The following RIN2 variants were observed in gnomAD, a reference collection of about 807,000 sequenced individuals.
RIN2 encodes the protein Ras and Rab interactor 2.
RIN2 carries 36 observed loss-of-function variants against 78.0 expected under a neutral mutation model. That is an observed-to-expected ratio of 0.46 (90% confidence interval 0.35 to 0.61). RIN2 has a LOEUF of 0.61. Ranked by LOEUF, RIN2 falls within the 20% of genes least tolerant of loss-of-function variation. The pLI is 0.00. For synonymous variants in RIN2, 466 were observed against 466.8 expected, an observed-to-expected ratio of 1.00 and a Z score of 0.02; for missense variants, 1,087 against 1,159.7, an observed-to-expected ratio of 0.94 and a Z score of 0.91.
Position 19,954,186 on chromosome 20 carries a change from AG to A in RIN2, c.159-2428del, listed in dbSNP as rs563820269. ...ATTCAGTCCCACCTCTTAGGAGTAG[AG>A]TTGTCCATGTGGAAATATCACACTT... On this transcript the variant is annotated intron_variant, in intron 4 of 12. Coordinates refer to ENST00000255006, the MANE Select transcript of RIN2 (RefSeq NM_018993.4). Among the ~76,000 whole-genome samples, 282 of 152,332 alleles carry A rather than the reference AG, an allele frequency of 1.9e-3. 2 individuals are homozygous for A. Among genetic ancestry groups the A allele is most frequent in the African/African-American group, 6.5e-3 (269 of 41,574 alleles).
chr20:19,819,205 TGAG>T, intron 2 of RIN2, among the ~76,000 whole-genome samples: 1 of 152,360 alleles, frequency 6.6e-6, no homozygotes, highest in East Asian at 1.9e-4. Context: ...TTCTGAAGGC[TGAG>T]AAGTCCAAGG....
chr20:19,916,037 C>T (rs1217209274), intron 3 of RIN2, among the ~76,000 whole-genome samples: 5 of 152,072 alleles, frequency 3.3e-5, no homozygotes, highest in South Asian at 2.1e-4. Flanking sequence ...GTCAAGAGAC[C>T]GAGACCATCC....
intron 2 of RIN2, among the ~76,000 whole-genome samples, chr20:19,864,142 A>G (rs76871987): frequency 6.6e-6 from 1 of 152,096 alleles, no homozygotes; most frequent in Non-Finnish European, 1.5e-5. Context: ...AAGGGTCTGA[A>G]AAGGCTGGGA....
At chr20:19,862,930 G>T (rs956912620) in intron 2 of RIN2, among the ~76,000 whole-genome samples, 2 of 152,186 alleles carry the variant, frequency 1.3e-5, no homozygotes, top group African/African-American at 4.8e-5. Context: ...AGCAACATCT[G>T]CCCTCCAGCG....
chr20:19,963,468 G>A (rs893030842), intron 6 of RIN2, among the ~76,000 whole-genome samples: 1 of 151,978 alleles, frequency 6.6e-6, no homozygotes, highest in Non-Finnish European at 1.5e-5. Context: ...AATTAGCCAG[G>A]CTTGGTGGTA....
chr20:19,819,975 G>GCAAATT (rs1338373245), intron 2 of RIN2, among the ~76,000 whole-genome samples: 2 of 152,134 alleles, frequency 1.3e-5, no homozygotes, highest in African/African-American at 4.8e-5. Context: ...AAATGCAAAT[G>GCAAATT]CAAATAAAAA....
chr20:19,883,339 T>A (rs2038084155), intron 2 of RIN2, among the ~76,000 whole-genome samples: 3 of 23,420 alleles, frequency 1.3e-4, no homozygotes, highest in South Asian at 2.3e-3. Context: ...AGAGAGGACT[T>A]TTTTTTTTTT....
Position 19,760,658 on chromosome 20 carries a change from T to C in RIN2, c.-163+2331T>C, listed in dbSNP as rs1471028062. On this transcript the variant is annotated intron_variant, in intron 1 of 12. Coordinates refer to ENST00000255006, the MANE Select transcript of RIN2 (RefSeq NM_018993.4). Reference sequence around the variant, plus strand: ...CAGGTATCACAGATGAAACACAGGGTATGCTACCCTGAGAGGTCCATGCTC... The same window carrying C: ...CAGGTATCACAGATGAAACACAGGGCATGCTACCCTGAGAGGTCCATGCTC... 2.0e-5 allele frequency among the ~76,000 whole-genome samples: 3 copies of C among 152,184 alleles called. No homozygotes were observed. The East Asian group carries it at 5.8e-4, about 29-fold the overall frequency.
chr20:19,975,941 C>A lies in RIN2; in HGVS notation c.1762+154C>A, dbSNP rs1568692472. 6.6e-6 allele frequency among the ~76,000 whole-genome samples: 1 copy of A among 152,186 alleles called. No individual in the cohort carries two copies. Among genetic ancestry groups the A allele is most frequent in the African/African-American group, 2.4e-5 (1 of 41,438 alleles). ...GGTTTGAATGGAAAAATCAGTTTCT[C>A]AAAGTAGCTGCTGACTGCCAGACTC... On this transcript the variant is annotated intron_variant, in intron 9 of 12. Transcript: ENST00000255006. The surrounding 1 kb of genome is among the most constrained non-coding windows in gnomAD (Gnocchi z 4.9).
intron 1 of RIN2, among the ~76,000 whole-genome samples, chr20:19,765,187 C>A (rs1486269242): frequency 6.6e-6 from 1 of 152,094 alleles, no homozygotes; most frequent in Non-Finnish European, 1.5e-5. Context: ...ACCCCCAAAT[C>A]TTCTTGGCAA....
rs73901303 is a variant in RIN2 at position 19,836,790 on chromosome 20, G to A, written c.-37+37043G>A. Among the ~76,000 whole-genome samples the A allele has an allele frequency of 5.7e-3, 864 of 152,068 alleles. 5 individuals are homozygous for A. The highest frequency in any genetic ancestry group is 0.019 in the African/African-American group (807 of 41,472). The stretch of plus-strand genomic sequence containing the variant: ...ATTAAATAATGCTGTTGATTTTTAC[G>A]TTTATAGGTAACATCCTATAATCTT... On this transcript the variant is annotated intron_variant, in intron 2 of 12. Transcript: ENST00000255006.
intron 1 of RIN2, among the ~76,000 whole-genome samples, chr20:19,798,398 CTG>C (rs2035131419): frequency 6.6e-6 from 1 of 151,784 alleles, no homozygotes; most frequent in East Asian, 1.9e-4. Context: ...GTGTGTGCAT[CTG>C]TGTGCGAGAT....
intron 5 of RIN2, among the ~76,000 whole-genome samples, chr20:19,960,423 C>T (rs543318532): frequency 6.6e-6 from 1 of 152,264 alleles, no homozygotes; most frequent in African/African-American, 2.4e-5. Flanking sequence ...AAAACAGTCA[C>T]TGAACTGAAA....
At chr20:19,976,988 G>A (rs1476029976) in intron 9 of RIN2, among the ~76,000 whole-genome samples, 1 of 152,208 alleles carries the variant, frequency 6.6e-6, no homozygotes, top group Non-Finnish European at 1.5e-5. Context: ...AAGCTGGGGT[G>A]TTGCTGGAGT....
At chr20:19,788,168 C>T (rs1228389103) in intron 1 of RIN2, among the ~76,000 whole-genome samples, 1 of 152,128 alleles carries the variant, frequency 6.6e-6, no homozygotes, top group Non-Finnish European at 1.5e-5. Context: ...TGGAATAACA[C>T]AAGCGTGCCC....
upstream of RIN2, chr20:19,757,781 G>C (rs192264524): frequency 6.6e-6 from 1 of 152,310 alleles, no homozygotes. Context: ...AAGAATCTCC[G>C]AGAACAAAAC....
chr20:19,851,128 A>C (rs545399241), intron 2 of RIN2, among the ~76,000 whole-genome samples: 256 of 152,112 alleles, frequency 1.7e-3, no homozygotes, highest in Non-Finnish European at 2.8e-3. Context: ...AAAAAGGGCG[A>C]ATTTGCCTAA....
intron 3 of RIN2, among the ~76,000 whole-genome samples, chr20:19,932,696 C>T (rs1390260223): frequency 6.6e-6 from 1 of 152,124 alleles, no homozygotes; most frequent in Non-Finnish European, 1.5e-5. Flanking sequence ...GACCTCTCTC[C>T]TTAGATAATC....
intron 7 of RIN2, among the ~76,000 whole-genome samples, chr20:19,968,363 T>C (rs948018470): frequency 5.9e-5 from 9 of 152,260 alleles, no homozygotes; most frequent in African/African-American, 2.2e-4. Context: ...ATATCTAAGA[T>C]GATGGCTTTT....
Sources: allele counts gnomAD v4.1 joint callset (sites outside exome capture counted in the v4.1 genomes callset), GRCh38; gene constraint gnomAD v4.1.1; non-coding constraint Gnocchi (gnomAD v3.1); transcripts MANE v1.5; gene names NCBI Gene and HGNC (gene_info 2026-07-23, HGNC 2026-07-21).